The following HLCS variants were observed in gnomAD, a reference collection of about 807,000 sequenced individuals.
HLCS encodes holocarboxylase synthetase.
A neutral mutation model predicts 75.0 loss-of-function variants in HLCS; 53 were observed. The observed-to-expected ratio is 0.71, with a 90% CI of 0.57 to 0.89. The LOEUF (loss-of-function observed/expected upper bound fraction) is 0.89, where lower values mean the gene tolerates loss of function less well. HLCS is among the 40% of genes least tolerant of loss of function. The pLI is 0.00. For synonymous variants in HLCS, 431 were observed against 428.6 expected, an observed-to-expected ratio of 1.01 and a Z score of -0.07; for missense variants, 966 against 1,074.0, an observed-to-expected ratio of 0.90 and a Z score of 1.41.
chr21:36,754,098 A>G lies in HLCS; in HGVS notation c.*148T>C, dbSNP rs2089461796. 2 of 917,950 alleles carry G rather than the reference A, an allele frequency of 2.2e-6. No individual in the cohort carries two copies. The highest frequency in any genetic ancestry group is 2.6e-5 in the East Asian group (1 of 38,020). 56.9% of individuals were successfully genotyped at this position (917,950 alleles called of 1,614,324 possible). On this transcript the variant is annotated 3_prime_UTR_variant, in exon 11 of 11. Transcript: ENST00000674895. ...TCAAACACCAAAGAAAACGACAACA[A>G]AACAAACCTAAAAACAAACAGAAAC...
chr21:36,765,557 T>C (rs911777493), intron 7 of HLCS, among the ~76,000 whole-genome samples: 11 of 152,344 alleles, frequency 7.2e-5, no homozygotes, highest in Admixed American at 6.5e-4. Context: ...TGGAAGCCAC[T>C]GTTTAGAAGC....
rs556060924 is a variant in HLCS at position 36,941,420 on chromosome 21, A to G, written c.331-2426T>C. Among the ~76,000 whole-genome samples the G allele has an allele frequency of 2.0e-5, 3 of 152,360 alleles. No homozygotes were observed. In the South Asian group the frequency reaches 6.2e-4, roughly 32 times the overall value. On this transcript the variant is annotated intron_variant, in intron 2 of 10. Coordinates refer to ENST00000674895, the MANE Select transcript of HLCS (RefSeq NM_001352514.2). ...TTGGGCAGTTCTTTCTAGCAGTGTG[A>G]AAACAGACTAACACATATAGACCAA...
Position 36,833,593 on chromosome 21 carries a change from T to TTATATATA in HLCS, c.1892+63259_1892+63266dup, listed in dbSNP as rs56412653. 8.0e-3 allele frequency among the ~76,000 whole-genome samples: 1,118 copies of TTATATATA among 139,968 alleles called. 9 individuals carry two copies. The highest frequency in any genetic ancestry group is 0.036 in the South Asian group (154 of 4,320). 91.8% of individuals were successfully genotyped at this position (139,968 alleles called of 152,430 possible). A position where few individuals can be genotyped will look rare whatever the true frequency, so the allele number is the denominator to read the frequency against. On this transcript the variant is annotated intron_variant, in intron 6 of 10. Transcript: ENST00000674895. ...GAGTTGGAGACTGTCTAAAAAAAAA[T>TTATATATA]TATATATATATATATATATATTTGA...
intron 2 of HLCS, among the ~76,000 whole-genome samples, chr21:36,961,628 G>A (rs936971537): frequency 6.6e-6 from 1 of 152,052 alleles, no homozygotes; most frequent in African/African-American, 2.4e-5. Flanking sequence ...GAGAAAGGGA[G>A]CCACAAAGGC....
intron 1 of HLCS, among the ~76,000 whole-genome samples, chr21:36,979,288 A>T (rs913736826): frequency 1.4e-5 from 2 of 144,090 alleles, no homozygotes; most frequent in African/African-American, 5.6e-5. Context: ...AAAAAAAAAA[A>T]GAAAGAAAGA....
intron 1 of HLCS, among the ~76,000 whole-genome samples, chr21:36,977,817 G>A (rs2068982712): frequency 6.6e-6 from 1 of 152,158 alleles, no homozygotes; most frequent in Non-Finnish European, 1.5e-5. Context: ...ACCTGGTGTG[G>A]GTGGGCGGGT....
intron 6 of HLCS, among the ~76,000 whole-genome samples, chr21:36,768,609 C>T (rs542849508): frequency 4.6e-5 from 7 of 152,294 alleles, no homozygotes; most frequent in Non-Finnish European, 7.4e-5. Context: ...GGCAGGGGCT[C>T]AGCTGCTGAG....
Position 36,769,605 on chromosome 21 carries a change from G to A in HLCS, c.1893-2320C>T, listed in dbSNP as rs138184708. On this transcript the variant is annotated intron_variant, in intron 6 of 10. Transcript: ENST00000674895. Reference sequence around the variant, plus strand: ...TAAAAGCTTTCTGTGAGTGGCAGCCGAGTGCATTCACTGTGGAACCAAAGC... The same window carrying A: ...TAAAAGCTTTCTGTGAGTGGCAGCCAAGTGCATTCACTGTGGAACCAAAGC... 2.3e-3 allele frequency among the ~76,000 whole-genome samples: 354 copies of A among 152,316 alleles called. 1 individual carries two copies. The highest frequency in any genetic ancestry group is 7.8e-3 in the African/African-American group (326 of 41,548).
chr21:36,939,682 C>T lies in HLCS; in HGVS notation c.331-688G>A, dbSNP rs561531368. ...ACCCGGCTTAGCCTTCCAGTTCTTACTACAGAAGACCGTGACACTGGGGCC... is the reference window on the plus strand; with the variant it reads ...ACCCGGCTTAGCCTTCCAGTTCTTATTACAGAAGACCGTGACACTGGGGCC... On this transcript the variant is annotated intron_variant, in intron 2 of 10. Coordinates refer to ENST00000674895, the MANE Select transcript of HLCS (RefSeq NM_001352514.2). 3.3e-5 allele frequency among the ~76,000 whole-genome samples: 5 copies of T among 152,290 alleles called. No individual in the cohort carries two copies. In the South Asian group the frequency reaches 1.0e-3, roughly 32 times the overall value.
chr21:36,803,831 G>A (rs1047271163), intron 6 of HLCS, among the ~76,000 whole-genome samples: 2 of 151,222 alleles, frequency 1.3e-5, no homozygotes, highest in African/African-American at 2.4e-5. Context: ...AGGTAGAATC[G>A]GGCAATTTGA....
intron 6 of HLCS, among the ~76,000 whole-genome samples, chr21:36,805,270 C>T (rs1186677133): frequency 1.3e-5 from 2 of 152,166 alleles, no homozygotes; most frequent in Non-Finnish European, 2.9e-5. Flanking sequence ...CTCGGTTAAC[C>T]CTCACTACTC....
intron 5 of HLCS, among the ~76,000 whole-genome samples, chr21:36,924,678 A>G (rs2245325): frequency 0.46 from 69,491 of 152,070 alleles, 16,266 homozygotes; most frequent in Middle Eastern, 0.55. Context: ...CAGGGTCACT[A>G]TGAGACCCAA....
chr21:36,797,447 C>T (rs1295049509), intron 6 of HLCS, among the ~76,000 whole-genome samples: 1 of 151,796 alleles, frequency 6.6e-6, no homozygotes, highest in Non-Finnish European at 1.5e-5. Context: ...CCTAGCTTTG[C>T]TTATGTTTGT....
rs545209143 is a variant in HLCS, at chr21:36,890,433, C to T, written c.1892+6427G>A. On this transcript the variant is annotated intron_variant, in intron 6 of 10. Coordinates refer to ENST00000674895, the MANE Select transcript of HLCS (RefSeq NM_001352514.2). ...ATTCCTGGGGAAAGCGCATCACTAACGGGGTTTTGAGTTTTTACTCTGGGG... is the reference window on the plus strand; with the variant it reads ...ATTCCTGGGGAAAGCGCATCACTAATGGGGTTTTGAGTTTTTACTCTGGGG... 4.4e-4 allele frequency among the ~76,000 whole-genome samples: 67 copies of T among 152,244 alleles called. 1 individual carries two copies. The highest frequency in any genetic ancestry group is 1.4e-3 in the African/African-American group (60 of 41,538).
chr21:36,778,371 C>G (rs1449862950), intron 6 of HLCS, among the ~76,000 whole-genome samples: 1 of 152,116 alleles, frequency 6.6e-6, no homozygotes, highest in East Asian at 1.9e-4. Context: ...CCCCTGCCTC[C>G]TGGGTTCAGG....
intron 6 of HLCS, among the ~76,000 whole-genome samples, chr21:36,768,905 G>A (rs2090136052): frequency 6.6e-6 from 1 of 152,162 alleles, no homozygotes; most frequent in African/African-American, 2.4e-5. Context: ...GTTTTCTAGA[G>A]GGTCCAGCAA....
At chr21:36,974,243 CT>C (rs1264427362) in intron 1 of HLCS, 1 of 152,402 alleles carries the variant, frequency 6.6e-6, no homozygotes, top group Non-Finnish European at 1.5e-5. Context: ...CGGAAAAATA[CT>C]GTAGCCGCTC....
chr21:36,858,577 T>C (rs2063277556), intron 6 of HLCS, among the ~76,000 whole-genome samples: 1 of 152,252 alleles, frequency 6.6e-6, no homozygotes, highest in African/African-American at 2.4e-5. Flanking sequence ...GCAAAGTTCC[T>C]GACTTTGTAA....
rs763927037 is a variant in HLCS at position 36,936,517 on chromosome 21, C to T, written c.1369G>A (p.Glu457Lys). ...TGCACAATCATCCTGTCCTTGTCCT[C>T]ATTCTCCAGGTGGCCCTGGAGCCTG... The part of the protein sequence containing the change: ...PGRLQGHLEN[E>K]DKDRMIVHVP... Residue 457 changes from glutamate (E) to lysine (K), a missense_variant, in exon 4 of 11, where the codon GAG (glutamate) becomes AAG (lysine). Glu to Lys is a moderately conservative substitution (Grantham distance 56). Transcript: ENST00000674895. 5.0e-6 allele frequency: 8 copies of T among 1,614,118 alleles called. No individual in the cohort carries two copies. The Admixed American group carries it at 1.2e-4, about 24-fold the overall frequency.
Sources: gnomAD v4.1 joint callset for allele counts (sites outside exome capture counted in the v4.1 genomes callset) on GRCh38, gnomAD v4.1.1 for gene constraint, MANE v1.5 for transcripts, NCBI Gene and HGNC (gene_info 2026-07-23, HGNC 2026-07-21) for gene names.